EMB: variants seen among roughly 807,000 people sequenced by gnomAD.
EMB encodes embigin, also known as embigin homolog.
Under a neutral mutation model 41.4 loss-of-function variants are expected in EMB, and 31 were observed. That is an observed-to-expected ratio of 0.75 (90% CI 0.56 to 1.01). The LOEUF (loss-of-function observed/expected upper bound fraction) is 1.01, where lower values mean the gene tolerates loss of function less well. Among genes scored for constraint, EMB ranks in the 50% least tolerant of loss-of-function variants. EMB has a pLI of 0.00. For missense variants in EMB, 379 were observed against 388.3 expected (o/e 0.98, Z 0.20); for synonymous variants, 137 against 140.4 (o/e 0.98, Z 0.17).
chr5:50,419,570 C>CACACACACAG (rs70972905), intron 2 of EMB, among the ~76,000 whole-genome samples: 4 of 151,714 alleles, frequency 2.6e-5, no homozygotes, highest in East Asian at 1.9e-4. Flanking sequence ...CACACACACA[C>CACACACACAG]AGATAACTGT....
At chr5:50,436,535 G>C (rs2111870865) in intron 1 of EMB, among the ~76,000 whole-genome samples, 1 of 152,264 alleles carries the variant, frequency 6.6e-6, no homozygotes, top group African/African-American at 2.4e-5. Context: ...CCTCCTACAT[G>C]CTTTCCTCCA....
intron 6 of EMB, 75 bp from the exon 7 acceptor site, chr5:50,402,394 T>A: frequency 7.4e-7 from 1 of 1,349,864 alleles, no homozygotes; most frequent in Non-Finnish European, 1.1e-6. Context: ...CAATTAAACC[T>A]CCTTCCTAAG....
Position 50,399,220 on chromosome 5 carries a change from T to C in EMB, c.*53A>G, listed in dbSNP as rs565107969. 202 of 1,599,118 alleles carry C rather than the reference T, an allele frequency of 1.3e-4. No individual in the cohort carries two copies. In the African/African-American group the frequency reaches 1.7e-3, roughly 13 times the overall value. Reference sequence around the variant, plus strand: ...TCTTAACAGGAAGGATAAACAAAGCTGAAATACGAACTCTGTATATCTTCC... The same window carrying C: ...TCTTAACAGGAAGGATAAACAAAGCCGAAATACGAACTCTGTATATCTTCC... On this transcript the variant is annotated 3_prime_UTR_variant, in exon 9 of 9. Coordinates refer to ENST00000303221, the MANE Select transcript of EMB (RefSeq NM_198449.3).
chr5:50,407,951 CTAAATGTCA>C (rs756702139), intron 4 of EMB, among the ~76,000 whole-genome samples: 1 of 151,824 alleles, frequency 6.6e-6, no homozygotes, highest in Non-Finnish European at 1.5e-5. Context: ...ACAAATTGGC[CTAAATGTCA>C]TATTGGTTCA....
rs1745099240 is a variant in EMB at position 50,397,990 on chromosome 5, A to T, written c.*1283T>A. Reference sequence around the variant, plus strand: ...TTTTCTTAGCCAATACATGGAGCAAATTTTTATAAAGTATTTCTTGTCAAA... The same window carrying T: ...TTTTCTTAGCCAATACATGGAGCAATTTTTTATAAAGTATTTCTTGTCAAA... On this transcript the variant is annotated 3_prime_UTR_variant, in exon 9 of 9. Coordinates refer to ENST00000303221, the MANE Select transcript of EMB (RefSeq NM_198449.3). The T allele has an allele frequency of 6.6e-6, 1 of 151,844 alleles. No homozygotes were observed. Among genetic ancestry groups the T allele is most frequent in the South Asian group, 2.1e-4 (1 of 4,822 alleles). The allele number at this position is 151,844 out of a possible 1,614,324, so 9.4% of individuals were successfully genotyped here.
intron 4 of EMB, among the ~76,000 whole-genome samples, chr5:50,406,672 A>G (rs1745254531): frequency 6.6e-6 from 1 of 152,014 alleles, no homozygotes; most frequent in African/African-American, 2.4e-5. Context: ...CTGAAGATGT[A>G]GACTCATCAA....
intron 2 of EMB, among the ~76,000 whole-genome samples, chr5:50,426,341 T>G (rs1477297731): frequency 6.6e-6 from 1 of 152,218 alleles, no homozygotes; most frequent in Non-Finnish European, 1.5e-5. Flanking sequence ...TTATAAGAAT[T>G]AAGTTACTTA....
At chr5:50,414,590 G>A (rs2668025) in intron 2 of EMB, among the ~76,000 whole-genome samples, 49 of 140,702 alleles carry the variant, frequency 3.5e-4, no homozygotes, top group African/African-American at 1.0e-3. Context: ...GAAACTTTAC[G>A]AAATGCTTCC....
intron 2 of EMB, among the ~76,000 whole-genome samples, chr5:50,421,110 T>C (rs971985185): frequency 6.6e-6 from 1 of 152,106 alleles, no homozygotes; most frequent in Non-Finnish European, 1.5e-5. Flanking sequence ...CAGACGGCAA[T>C]AGTATAAAAA....
At chr5:50,435,299 T>C (rs1745786225) in intron 1 of EMB, among the ~76,000 whole-genome samples, 1 of 152,074 alleles carries the variant, frequency 6.6e-6, no homozygotes, top group African/African-American at 2.4e-5. Context: ...AATACAACCA[T>C]TAAAATCAAG....
intron 4 of EMB, among the ~76,000 whole-genome samples, chr5:50,407,729 C>G (rs1368947445): frequency 1.3e-5 from 2 of 151,926 alleles, no homozygotes; most frequent in Admixed American, 1.3e-4. Context: ...GACAGTGAGA[C>G]AGTATTCTAA....
Position 50,403,435 on chromosome 5 carries a change from A to G in EMB, c.620T>C (p.Met207Thr). ...GSVKVPVGVQ[M>T]NKYVINGTYA... The stretch of plus-strand genomic sequence containing the variant: ...TGTTCCATTGATCACATATTTATTC[A>G]TTTGAACACCAACAGGAACCTAATA... The change falls in exon 6 of 9, where the codon ATG becomes ACG. Residue 207 changes from methionine (M) to threonine (T), a missense_variant. Physicochemically the swap from Met to Thr is moderately conservative, Grantham distance 81. Coordinates refer to ENST00000303221, the MANE Select transcript of EMB (RefSeq NM_198449.3). 1 of 1,612,190 alleles carries G rather than the reference A, an allele frequency of 6.2e-7. No homozygotes were observed. Among genetic ancestry groups the G allele is most frequent in the East Asian group, 2.2e-5 (1 of 44,820 alleles).
intron 4 of EMB, among the ~76,000 whole-genome samples, chr5:50,409,664 AAG>A (rs2111790151): frequency 6.6e-6 from 1 of 151,864 alleles, no homozygotes; most frequent in East Asian, 1.9e-4. Flanking sequence ...GGGAAAGGAA[AAG>A]AGAGATTAAG....
intron 2 of EMB, among the ~76,000 whole-genome samples, chr5:50,416,632 C>T (rs916349294): frequency 3.3e-5 from 5 of 152,046 alleles, no homozygotes; most frequent in Admixed American, 1.3e-4. Flanking sequence ...ACATATACGA[C>T]GGATTCGATG....
chr5:50,407,811 G>A lies in EMB; in HGVS notation c.473-1959C>T, dbSNP rs1197714477. ...CGAGTGCTACGGTTGGAATAAACCA[G>A]GTTTGAAGGTGGTGAAATTGCTGAT... On this transcript the variant is annotated intron_variant, in intron 4 of 8. Transcript: ENST00000303221. Among the ~76,000 whole-genome samples the A allele has an allele frequency of 9.2e-5, 14 of 152,044 alleles. No homozygotes were observed. The South Asian group carries it at 1.2e-3, about 14-fold the overall frequency.
chr5:50,427,627 G>A (rs1038875881), intron 2 of EMB, among the ~76,000 whole-genome samples: 8 of 151,886 alleles, frequency 5.3e-5, no homozygotes, highest in African/African-American at 1.9e-4. Flanking sequence ...TCCTGCCTCA[G>A]CCTCCCAAGT....
At chr5:50,426,618 T>G (rs1234806806) in intron 2 of EMB, among the ~76,000 whole-genome samples, 1 of 152,080 alleles carries the variant, frequency 6.6e-6, no homozygotes, top group Non-Finnish European at 1.5e-5. Context: ...AACAGAGAGA[T>G]TAACTTCGAC....
chr5:50,415,910 A>G (rs1373936836), intron 2 of EMB, among the ~76,000 whole-genome samples: 3 of 152,248 alleles, frequency 2.0e-5, no homozygotes, highest in Non-Finnish European at 4.4e-5. Context: ...TGAACAGTGC[A>G]ATCAAAATAT....
chr5:50,419,638 C>T (rs1263278356), intron 2 of EMB, among the ~76,000 whole-genome samples: 2 of 151,784 alleles, frequency 1.3e-5, no homozygotes, highest in Admixed American at 6.6e-5. Flanking sequence ...GTGTGGAAAG[C>T]ATTCAAGATT....
Sources: gnomAD v4.1 joint callset for allele counts (sites outside exome capture counted in the v4.1 genomes callset) on GRCh38, gnomAD v4.1.1 for gene constraint, MANE v1.5 for transcripts, NCBI Gene and HGNC (gene_info 2026-07-23, HGNC 2026-07-21) for gene names.